PARD3B: variants seen among roughly 807,000 people sequenced by gnomAD.
PARD3B encodes par-3 family cell polarity regulator beta.
PARD3B carries 103 observed loss-of-function variants against 130.2 expected under a neutral mutation model. That is an observed-to-expected ratio of 0.79 (90% CI 0.67 to 0.93). The LOEUF is 0.93. Ranked by LOEUF, PARD3B falls within the 40% of genes least tolerant of loss-of-function variation. The probability of loss-of-function intolerance (pLI) is 0.00; values close to 1 mark genes in which losing one functional copy is unlikely to be tolerated. For missense variants in PARD3B, 1,609 were observed against 1,499.2 expected, an observed-to-expected ratio of 1.07 and a Z score of -1.21; for synonymous variants, 583 against 553.2, an observed-to-expected ratio of 1.05 and a Z score of -0.76.
intron 15 of PARD3B, among the ~76,000 whole-genome samples, chr2:205,194,572 A>G (rs951533156): frequency 6.6e-6 from 1 of 152,214 alleles, no homozygotes; most frequent in African/African-American, 2.4e-5. Flanking sequence ...TTCTCTGTAA[A>G]GAAGATGAAT....
intron 12 of PARD3B, among the ~76,000 whole-genome samples, chr2:205,173,589 A>T (rs1229994582): frequency 6.6e-6 from 1 of 152,158 alleles, no homozygotes; most frequent in Non-Finnish European, 1.5e-5. Flanking sequence ...ATCTTACTTT[A>T]TTCTATTATC....
intron 2 of PARD3B, among the ~76,000 whole-genome samples, chr2:204,733,544 A>G (rs2039616282): frequency 6.7e-6 from 1 of 149,352 alleles, no homozygotes; most frequent in African/African-American, 2.5e-5. Context: ...AGCTGATTCT[A>G]ACTTTATTTG....
rs548623587 is a variant in PARD3B, at chr2:204,895,474, A to G, written c.223-69678A>G. Among the ~76,000 whole-genome samples, 54 of 152,238 alleles carry G rather than the reference A, an allele frequency of 3.5e-4. No homozygotes were observed. In the South Asian group the frequency reaches 0.011, roughly 31 times the overall value. On this transcript the variant is annotated intron_variant, in intron 2 of 22. Transcript: ENST00000406610. Reference sequence around the variant, plus strand: ...GTGTTTTTCAGTTATCAGGTATTTAACCGATATATATCTATGAGATTTCTT... The same window carrying G: ...GTGTTTTTCAGTTATCAGGTATTTAGCCGATATATATCTATGAGATTTCTT...
chr2:205,239,455 G>T (rs1255114686), intron 15 of PARD3B, among the ~76,000 whole-genome samples: 1 of 151,968 alleles, frequency 6.6e-6, no homozygotes, highest in Non-Finnish European at 1.5e-5. Context: ...TAGACCATGG[G>T]GTTGAGTATC....
At chr2:204,842,822 G>A (rs2044307420) in intron 2 of PARD3B, among the ~76,000 whole-genome samples, 1 of 152,140 alleles carries the variant, frequency 6.6e-6, no homozygotes, top group Non-Finnish European at 1.5e-5. Context: ...CTAGAGCTGA[G>A]TCACTGAGGA....
chr2:205,200,740 A>G (rs1214664768), intron 15 of PARD3B, among the ~76,000 whole-genome samples: 3 of 152,236 alleles, frequency 2.0e-5, no homozygotes, highest in Non-Finnish European at 4.4e-5. Flanking sequence ...CATGATAGAG[A>G]TTCAAATAGA....
intron 21 of PARD3B, among the ~76,000 whole-genome samples, chr2:205,537,784 T>A (rs2051931246): frequency 6.6e-6 from 1 of 152,198 alleles, no homozygotes; most frequent in Non-Finnish European, 1.5e-5. Context: ...CCCAAACTGT[T>A]CAATAATGTA....
intron 22 of PARD3B, among the ~76,000 whole-genome samples, chr2:205,583,394 TGTGTGTGC>T (rs1411724728): frequency 0.013 from 964 of 72,828 alleles, 17 homozygotes; most frequent in African/African-American, 0.039. Flanking sequence ...TGTGTGTGTG[TGTGTGTGC>T]GCGCGCACGC....
Position 204,895,026 on chromosome 2 carries a change from AAAAGTAGAGAATTAAGGAG to A in PARD3B, c.223-70121_223-70103del, listed in dbSNP as rs200565344. Among the ~76,000 whole-genome samples, 233 of 148,938 alleles carry A rather than the reference AAAAGTAGAGAATTAAGGAG, an allele frequency of 1.6e-3. 9 individuals carry two copies. The East Asian group carries it at 0.04, about 26-fold the overall frequency. ...TTGGACTATAGTAATAGATTTTTTG[AAAAGTAGAGAATTAAGGAG>A]AAAGACCTACCAAAAAAAACCCCAT... On this transcript the variant is annotated intron_variant, in intron 2 of 22. Transcript: ENST00000406610.
intron 3 of PARD3B, among the ~76,000 whole-genome samples, chr2:204,998,206 A>T (rs1694406059): frequency 6.7e-6 from 1 of 148,376 alleles, no homozygotes; most frequent in Non-Finnish European, 1.5e-5. Context: ...CATTAGGGGA[A>T]ATACCTAATG....
chr2:204,838,660 G>A (rs1482246794), intron 2 of PARD3B, among the ~76,000 whole-genome samples: 1 of 151,996 alleles, frequency 6.6e-6, no homozygotes, highest in East Asian at 1.9e-4. Flanking sequence ...GAATCAGTAG[G>A]GTGACTGCAG....
chr2:205,202,691 A>C (rs2037059314), intron 15 of PARD3B, among the ~76,000 whole-genome samples: 1 of 152,154 alleles, frequency 6.6e-6, no homozygotes, highest in African/African-American at 2.4e-5. Flanking sequence ...AAACATTCGG[A>C]GTAAGGATCA....
At chr2:205,464,575 G>T (rs904081616) in intron 20 of PARD3B, among the ~76,000 whole-genome samples, 8 of 152,124 alleles carry the variant, frequency 5.3e-5, no homozygotes, top group Non-Finnish European at 1.2e-4. Flanking sequence ...CACTTGTAAG[G>T]AAGTTTATTC....
intron 2 of PARD3B, among the ~76,000 whole-genome samples, chr2:204,823,140 G>A (rs1357141540): frequency 6.6e-6 from 1 of 152,068 alleles, no homozygotes; most frequent in Non-Finnish European, 1.5e-5. Flanking sequence ...GTTATCTTGT[G>A]CTCTTACTTT....
rs201228916 is a variant in PARD3B at position 205,197,043 on chromosome 2, G to A, written c.2140+3723G>A. Among the ~76,000 whole-genome samples, 1,345 of 148,224 alleles carry A rather than the reference G, an allele frequency of 9.1e-3. 8 individuals carry two copies. The highest frequency in any genetic ancestry group is 0.031 in the Middle Eastern group (9 of 290). ...CACTGTGGGGGGGGGGTGTGTGTGT[G>A]TGTGTGTGTGTGTGTGTGTGTGTGT... On this transcript the variant is annotated intron_variant, in intron 15 of 22. Coordinates refer to ENST00000406610, the MANE Select transcript of PARD3B (RefSeq NM_001302769.2).
intron 2 of PARD3B, among the ~76,000 whole-genome samples, chr2:204,735,303 G>A (rs1225354799): frequency 6.6e-6 from 1 of 151,962 alleles, no homozygotes; most frequent in Admixed American, 6.6e-5. Context: ...CATTCTAGCA[G>A]TGGACCACCT....
At chr2:204,974,557 T>C (rs1035948806) in intron 3 of PARD3B, among the ~76,000 whole-genome samples, 11 of 152,254 alleles carry the variant, frequency 7.2e-5, no homozygotes, top group Non-Finnish European at 1.3e-4. Context: ...TGGTTCTGTA[T>C]AATTGTGATG....
intron 18 of PARD3B, among the ~76,000 whole-genome samples, chr2:205,372,757 A>G (rs75687714): frequency 0.018 from 2,696 of 152,254 alleles, 68 homozygotes; most frequent in African/African-American, 0.061. Flanking sequence ...AAGGCAGAAA[A>G]TTACTTGACT....
Position 205,440,817 on chromosome 2 carries a change from G to A in PARD3B, c.3044+145G>A, listed in dbSNP as rs1012570166. The A allele has an allele frequency of 6.2e-6, 5 of 802,114 alleles. No homozygotes were observed. The highest frequency in any genetic ancestry group is 3.7e-5 in the South Asian group (2 of 54,012). The allele number at this position is 802,114 out of a possible 1,614,324, so 49.7% of individuals were successfully genotyped here. A position where few individuals can be genotyped will look rare whatever the true frequency, so the allele number is the denominator to read the frequency against. On this transcript the variant is annotated intron_variant, in intron 20 of 22. Transcript: ENST00000406610. This position sits in a 1 kb window ranked among gnomAD's most constrained non-coding sequence, Gnocchi z 4.2. ...CCTAGACAAGTGCCATCCTTTGACC[G>A]ACCTGTAAGATATCCACCATCAAAA... is the stretch of plus-strand genomic sequence containing the variant.
Sources: allele counts gnomAD v4.1 joint callset (sites outside exome capture counted in the v4.1 genomes callset), GRCh38; gene constraint gnomAD v4.1.1; non-coding constraint Gnocchi (gnomAD v3.1); transcripts MANE v1.5; gene names NCBI Gene and HGNC (gene_info 2026-07-23, HGNC 2026-07-21).